Variants in NT5C1A observed in about 807,000 individuals in gnomAD.
NT5C1A encodes the protein 5'-nucleotidase, cytosolic IA, also known as cytosolic 5'-nucleotidase 1A.
Under a neutral mutation model 31.0 loss-of-function variants are expected in NT5C1A, and 18 were observed. That is an observed-to-expected ratio of 0.58 (90% CI 0.40 to 0.86). The LOEUF (loss-of-function observed/expected upper bound fraction) is 0.86. NT5C1A is among the 40% of genes least tolerant of loss of function. The pLI is 0.00. For synonymous variants in NT5C1A, 185 were observed against 203.6 expected (o/e 0.91, Z 0.78); for missense variants, 470 against 505.4 (o/e 0.93, Z 0.67).
In NT5C1A at chr1:39,654,147, A is replaced by G; in HGVS notation, c.*4974T>C. On this transcript the variant is annotated 3_prime_UTR_variant, in exon 6 of 6. Transcript: ENST00000235628. Reference sequence around the variant, plus strand: ...AAGCCTGGTAAATCTCTAAATTTGCAGAGTCCTAGAATTCTCCTGATCCAC... The same window carrying G: ...AAGCCTGGTAAATCTCTAAATTTGCGGAGTCCTAGAATTCTCCTGATCCAC... Among the ~76,000 whole-genome samples the G allele has an allele frequency of 6.6e-6, 1 of 152,308 alleles. No individual in the cohort carries two copies. Among genetic ancestry groups the G allele is most frequent in the East Asian group, 1.9e-4 (1 of 5,184 alleles).
intron 1 of NT5C1A, among the ~76,000 whole-genome samples, chr1:39,667,771 T>C (rs147467145): frequency 3.9e-5 from 6 of 152,360 alleles, no homozygotes; most frequent in African/African-American, 1.4e-4. Flanking sequence ...CAATGTCCAA[T>C]GGAACTTTCT....
At chr1:39,662,148 A>T (rs1479319118) in intron 4 of NT5C1A, among the ~76,000 whole-genome samples, 1 of 152,212 alleles carries the variant, frequency 6.6e-6, no homozygotes, top group African/African-American at 2.4e-5. Flanking sequence ...CCATCTCTTC[A>T]AAGACCACTT....
intron 3 of NT5C1A, 113 bp downstream of exon 3, chr1:39,665,407 TG>T: frequency 2.0e-6 from 2 of 992,582 alleles, no homozygotes; most frequent in Non-Finnish European, 1.4e-6. Context: ...CAGCACACAC[TG>T]GACTTGGGGT....
chr1:39,666,463 G>T (rs141873947), intron 1 of NT5C1A, among the ~76,000 whole-genome samples: 1 of 152,230 alleles, frequency 6.6e-6, no homozygotes, highest in Non-Finnish European at 1.5e-5. Context: ...AGCACAATCT[G>T]ATGGAGGGAG....
chr1:39,666,092 C>T lies in NT5C1A; in HGVS notation c.280G>A (p.Gly94Arg), dbSNP rs749924960. The change falls in exon 2 of 6, where the codon GGG becomes AGG. Residue 94 changes from glycine (G) to arginine (R), a missense_variant. Physicochemically the swap from Gly to Arg is moderately radical, Grantham distance 125. Transcript: ENST00000235628. ...ACCTTCACAAAAGGGAAGGCTGGCC[C>T]GGGACTGAAGGGTTCGTTCTCATGT... is the stretch of plus-strand genomic sequence containing the variant. ...LEHENEPFSP[G>R]PAFPFVKALE... 11 of 1,613,246 alleles carry T rather than the reference C, an allele frequency of 6.8e-6. No homozygotes were observed. The highest frequency in any genetic ancestry group is 2.2e-5 in the East Asian group (1 of 44,894).
rs948199959 is a variant in NT5C1A, at chr1:39,659,055, C to G, written c.*66G>C. 12 of 1,516,782 alleles carry G rather than the reference C, an allele frequency of 7.9e-6. No individual in the cohort carries two copies. The highest frequency in any genetic ancestry group is 1.1e-5 in the Non-Finnish European group (12 of 1,133,696). 94.0% of individuals were successfully genotyped at this position (1,516,782 alleles called of 1,614,324 possible). A position where few individuals can be genotyped will look rare whatever the true frequency, so the allele number is the denominator to read the frequency against. On this transcript the variant is annotated 3_prime_UTR_variant, in exon 6 of 6. Transcript: ENST00000235628. Reference sequence around the variant, plus strand: ...ACAGTGAGAAACTAGAGGGATCTACCAGAGGAGGTGTCGAAGTATGTCAGG... The same window carrying G: ...ACAGTGAGAAACTAGAGGGATCTACGAGAGGAGGTGTCGAAGTATGTCAGG...
chr1:39,664,518 C>CCTCTCCTCTCCTCTCCTCTCCCTCT (rs1288845231), intron 3 of NT5C1A, among the ~76,000 whole-genome samples: 1 of 96,044 alleles, frequency 1.0e-5, no homozygotes, highest in African/African-American at 4.7e-5. Flanking sequence ...CCTCTCCTTT[C>CCTCTCCTCTCCTCTCCTCTCCCTCT]CATCTCACTC....
At chr1:39,662,695 T>C (rs1411115960) in intron 4 of NT5C1A, among the ~76,000 whole-genome samples, 2 of 152,222 alleles carry the variant, frequency 1.3e-5, no homozygotes, top group African/African-American at 2.4e-5. Context: ...TGCTCCTCTA[T>C]GGGCCTGTTT....
intron 4 of NT5C1A, among the ~76,000 whole-genome samples, chr1:39,661,588 G>T (rs1001804235): frequency 6.6e-6 from 1 of 152,210 alleles, no homozygotes; most frequent in Admixed American, 6.5e-5. Context: ...ACCAACCAGG[G>T]TGAAGGAAAT....
chr1:39,656,306 G>T lies in NT5C1A; in HGVS notation c.*2815C>A, dbSNP rs1646458746. On this transcript the variant is annotated 3_prime_UTR_variant, in exon 6 of 6. Coordinates refer to ENST00000235628, the MANE Select transcript of NT5C1A (RefSeq NM_032526.3). Reference sequence around the variant, plus strand: ...AATTTACTGGTGAACAACACTCAATGTTCCTCATCCCTGGGCACCTCCTCA... The same window carrying T: ...AATTTACTGGTGAACAACACTCAATTTTCCTCATCCCTGGGCACCTCCTCA... 1.3e-5 allele frequency among the ~76,000 whole-genome samples: 2 copies of T among 152,194 alleles called. 1 individual carries two copies. Among genetic ancestry groups the T allele is most frequent in the South Asian group, 4.1e-4 (2 of 4,828 alleles).
rs538094943 is a variant in NT5C1A at position 39,658,450 on chromosome 1, T to C, written c.*671A>G. On this transcript the variant is annotated 3_prime_UTR_variant, in exon 6 of 6. Transcript: ENST00000235628. ...CACATGGGGGCTGAAATCCAGCCTCTATCCTGCTAACTAAGCTGTGTACCC... is the reference window on the plus strand; with the variant it reads ...CACATGGGGGCTGAAATCCAGCCTCCATCCTGCTAACTAAGCTGTGTACCC... Among the ~76,000 whole-genome samples, 7 of 152,358 alleles carry C rather than the reference T, an allele frequency of 4.6e-5. No homozygotes were observed. The highest frequency in any genetic ancestry group is 1.4e-4 in the African/African-American group (6 of 41,584).
At chr1:39,662,112 A>C (rs1479821628) in intron 4 of NT5C1A, among the ~76,000 whole-genome samples, 1 of 152,196 alleles carries the variant, frequency 6.6e-6, no homozygotes, top group Non-Finnish European at 1.5e-5. Flanking sequence ...AGACCTGGGC[A>C]ACTGGCCGAG....
At chr1:39,664,049 T>C (rs1646505463) in intron 3 of NT5C1A, among the ~76,000 whole-genome samples, 1 of 152,158 alleles carries the variant, frequency 6.6e-6, no homozygotes, top group South Asian at 2.1e-4. Flanking sequence ...TCAACCCTGC[T>C]CCCAAGAATT....
chr1:39,667,300 C>T (rs138676142), intron 1 of NT5C1A, among the ~76,000 whole-genome samples: 138 of 150,406 alleles, frequency 9.2e-4, no homozygotes, highest in African/African-American at 3.0e-3. Flanking sequence ...CTCTCAGGTT[C>T]GAGCAATTGT....
chr1:39,665,991 C>G, intron 2 of NT5C1A, 78 bp downstream of exon 2: 1 of 1,392,762 alleles, frequency 7.2e-7, no homozygotes, highest in South Asian at 1.3e-5. Flanking sequence ...TTTCACCTTA[C>G]TCAAATACTC....
At position 39,654,430 on chromosome 1, in the gene NT5C1A, C is replaced by A. The variant is rs773919036; in HGVS notation, c.*4691G>T. On this transcript the variant is annotated 3_prime_UTR_variant, in exon 6 of 6. Coordinates refer to ENST00000235628, the MANE Select transcript of NT5C1A (RefSeq NM_032526.3). ...ATCCAAAACTCATGTTTAGCTAATGCGCATCCACCTACTAGGCTGATCATT... is the reference window on the plus strand; with the variant it reads ...ATCCAAAACTCATGTTTAGCTAATGAGCATCCACCTACTAGGCTGATCATT... 6.6e-6 allele frequency among the ~76,000 whole-genome samples: 1 copy of A among 152,192 alleles called. No individual in the cohort carries two copies. The highest frequency in any genetic ancestry group is 1.5e-5 in the Non-Finnish European group (1 of 68,048).
chr1:39,659,580 GA>G (rs1192844537), intron 5 of NT5C1A, 94 bp from the exon 6 acceptor site: 2 of 1,451,400 alleles, frequency 1.4e-6, no homozygotes, highest in East Asian at 4.6e-5. Context: ...GTTTGGTGTG[GA>G]AAACTTCAGG....
Position 39,652,946 on chromosome 1 carries a change from C to A in NT5C1A, c.*6175G>T, listed in dbSNP as rs1159204695. ...TTTCGTAGCCATGGCCATGAGATGA[C>A]CAGGGCATCTGTATACAGTTGGCAG... On this transcript the variant is annotated 3_prime_UTR_variant, in exon 6 of 6. Coordinates refer to ENST00000235628, the MANE Select transcript of NT5C1A (RefSeq NM_032526.3). 6.6e-6 allele frequency among the ~76,000 whole-genome samples: 1 copy of A among 151,930 alleles called. No individual in the cohort carries two copies. Among genetic ancestry groups the A allele is most frequent in the East Asian group, 1.9e-4 (1 of 5,164 alleles).
Position 39,666,222 on chromosome 1 carries a change from A to T in NT5C1A, c.150T>A (p.Asn50Lys). 1 of 1,613,470 alleles carries T rather than the reference A, an allele frequency of 6.2e-7. No individual in the cohort carries two copies. Among genetic ancestry groups the T allele is most frequent in the Non-Finnish European group, 8.5e-7 (1 of 1,179,920 alleles). The part of the protein sequence containing the change: ...KKKPKSPKPQ[N>K]AVTIAVSSRA... Reference sequence around the variant, plus strand: ...GGGAGGACACAGCGATGGTGACTGCATTCTGAGGCTTGGGCTGCAGAGGTA... The same window carrying T: ...GGGAGGACACAGCGATGGTGACTGCTTTCTGAGGCTTGGGCTGCAGAGGTA... The change falls in exon 2 of 6, where the codon AAT becomes AAA. Residue 50 changes from asparagine to lysine, a missense_variant. Transcript: ENST00000235628.
Sources: allele counts gnomAD v4.1 joint callset (sites outside exome capture counted in the v4.1 genomes callset), GRCh38; gene constraint gnomAD v4.1.1; transcripts MANE v1.5; gene names NCBI Gene and HGNC (gene_info 2026-07-23, HGNC 2026-07-21).